The following EXOC6B variants were observed in gnomAD, a reference collection of about 807,000 sequenced individuals.
EXOC6B encodes SEC15 homolog B.
EXOC6B carries 54 observed loss-of-function variants against 113.5 expected under a neutral mutation model. The observed-to-expected ratio is 0.48, with a 90% CI of 0.38 to 0.60. The LOEUF (loss-of-function observed/expected upper bound fraction) is 0.60. EXOC6B is among the 20% of genes least tolerant of loss of function. The probability of loss-of-function intolerance (pLI) is 0.00; values close to 1 mark genes in which losing one functional copy is unlikely to be tolerated. For synonymous variants in EXOC6B, 357 were observed against 339.0 expected, an observed-to-expected ratio of 1.05 and a Z score of -0.58; for missense variants, 797 against 977.5, an observed-to-expected ratio of 0.82 and a Z score of 2.46.
intron 11 of EXOC6B, among the ~76,000 whole-genome samples, chr2:72,508,425 G>A (rs1221556803): frequency 6.6e-6 from 1 of 151,916 alleles, no homozygotes; most frequent in Non-Finnish European, 1.5e-5. Flanking sequence ...AATAATAAGG[G>A]GATAAATAGC....
chr2:72,600,441 C>CAAAAAAAAAAAAAAAAAAAAAAA (rs57908608), intron 6 of EXOC6B, among the ~76,000 whole-genome samples: 1 of 87,474 alleles, frequency 1.1e-5, no homozygotes. Context: ...GACCTTATCT[C>CAAAAAAAAAAAAAAAAAAAAAAA]AAAAAAAAAA....
At chr2:72,460,335 A>G (rs1047152790) in intron 18 of EXOC6B, among the ~76,000 whole-genome samples, 106 of 152,266 alleles carry the variant, frequency 7.0e-4, no homozygotes, top group African/African-American at 2.4e-3. Flanking sequence ...AGCAATGGCA[A>G]CAAAAGACAA....
intron 5 of EXOC6B, among the ~76,000 whole-genome samples, chr2:72,728,710 C>T (rs1017127091): frequency 2.6e-5 from 4 of 152,090 alleles, no homozygotes; most frequent in African/African-American, 9.7e-5. Flanking sequence ...TGATACATAT[C>T]ACTTCTGCTC....
At chr2:72,523,423 T>C (rs1701591350) in intron 8 of EXOC6B, among the ~76,000 whole-genome samples, 1 of 152,176 alleles carries the variant, frequency 6.6e-6, no homozygotes, top group East Asian at 1.9e-4. Flanking sequence ...TGAGAAATAC[T>C]ACTTCATATG....
intron 20 of EXOC6B, among the ~76,000 whole-genome samples, chr2:72,234,771 G>T (rs1158647796): frequency 6.6e-6 from 1 of 152,092 alleles, no homozygotes; most frequent in Non-Finnish European, 1.5e-5. Flanking sequence ...TTCAAAAGGA[G>T]ATACACATGC....
At chr2:72,717,947 C>T (rs1679732728) in intron 6 of EXOC6B, among the ~76,000 whole-genome samples, 156 bp downstream of exon 6, 1 of 152,094 alleles carries the variant, frequency 6.6e-6, no homozygotes, top group Admixed American at 6.5e-5. Flanking sequence ...AAAATGAAAA[C>T]ATTTTTAATC....
intron 18 of EXOC6B, among the ~76,000 whole-genome samples, chr2:72,408,084 G>A (rs1693906788): frequency 6.6e-6 from 1 of 152,086 alleles, no homozygotes. Flanking sequence ...GACAAACAGA[G>A]AGCCAAATCA....
intron 16 of EXOC6B, among the ~76,000 whole-genome samples, chr2:72,484,340 C>T (rs1246876080): frequency 1.3e-5 from 2 of 149,878 alleles, no homozygotes; most frequent in Non-Finnish European, 3.0e-5. Flanking sequence ...GGGCGGATCA[C>T]GAGGTCAGGA....
chr2:72,405,911 T>C (rs1693722068), intron 18 of EXOC6B, among the ~76,000 whole-genome samples: 3 of 151,976 alleles, frequency 2.0e-5, no homozygotes, highest in South Asian at 2.1e-4. Flanking sequence ...GACTGGCAAA[T>C]TGGATAAAGA....
chr2:72,803,312 A>G (rs1685400144), intron 1 of EXOC6B, among the ~76,000 whole-genome samples: 1 of 152,136 alleles, frequency 6.6e-6, no homozygotes, highest in African/African-American at 2.4e-5. Flanking sequence ...TGAGCAAAAA[A>G]AAAAAACAAA....
In EXOC6B at chr2:72,768,121, T is replaced by TA. The variant is rs70963144; in HGVS notation, c.114-26653dup. On this transcript the variant is annotated intron_variant, in intron 1 of 21. Transcript: ENST00000272427. ...CCTGGGGGCCAGAGTGAGACTCCGT[T>TA]AAAAAAAAAAAAAAAAAGAAAGAAA... is the stretch of plus-strand genomic sequence containing the variant. Among the ~76,000 whole-genome samples, 903 of 108,326 alleles carry TA rather than the reference T, an allele frequency of 8.3e-3. 5 individuals carry two copies. Among genetic ancestry groups the TA allele is most frequent in the African/African-American group, 0.017 (470 of 27,776 alleles). 71.1% of individuals were successfully genotyped at this position (108,326 alleles called of 152,430 possible).
intron 18 of EXOC6B, among the ~76,000 whole-genome samples, chr2:72,381,712 C>G (rs550902437): frequency 2.0e-5 from 3 of 152,080 alleles, no homozygotes; most frequent in African/African-American, 7.2e-5. Context: ...AAACTAGACT[C>G]CCAAATATCC....
intron 12 of EXOC6B, among the ~76,000 whole-genome samples, chr2:72,499,622 T>C (rs1021272244): frequency 1.3e-4 from 20 of 151,808 alleles, no homozygotes; most frequent in African/African-American, 4.1e-4. Flanking sequence ...TGGACTCCTA[T>C]GTTCAGGCAA....
chr2:72,635,703 A>C lies in EXOC6B; in HGVS notation c.670-60035T>G, dbSNP rs1672769291. ...AGAGGAAGGAATACCTCTCCAACTC[A>C]TTTTATGAAGCACTGATGTCAAAAC... On this transcript the variant is annotated intron_variant, in intron 6 of 21. Transcript: ENST00000272427. 2.0e-5 allele frequency among the ~76,000 whole-genome samples: 3 copies of C among 152,348 alleles called. No individual in the cohort carries two copies. The South Asian group carries it at 6.2e-4, about 32-fold the overall frequency.
chr2:72,741,561 A>G, intron 1 of EXOC6B, 92 bp from the exon 2 acceptor site: 4 of 1,123,188 alleles, frequency 3.6e-6, no homozygotes, highest in Non-Finnish European at 5.0e-6. Context: ...TAGGGCACAT[A>G]AGCCACAAAA....
chr2:72,723,681 T>G (rs59216875), intron 5 of EXOC6B, among the ~76,000 whole-genome samples: 32,379 of 150,654 alleles, frequency 0.21, 5,781 homozygotes, highest in African/African-American at 0.49. Context: ...GATAGAAAGA[T>G]GTTCAGATGT....
intron 6 of EXOC6B, among the ~76,000 whole-genome samples, chr2:72,612,008 C>T (rs1173965039): frequency 1.3e-5 from 2 of 152,010 alleles, no homozygotes; most frequent in East Asian, 1.9e-4. Flanking sequence ...TGGGGCCAGG[C>T]GTGGTGGCCC....
chr2:72,395,240 T>G (rs1468093243), intron 18 of EXOC6B, among the ~76,000 whole-genome samples: 2 of 152,054 alleles, frequency 1.3e-5, no homozygotes, highest in Non-Finnish European at 2.9e-5. Context: ...TAAGTGGGCT[T>G]GGAAAAAACA....
At chr2:72,614,580 A>C (rs1451635379) in intron 6 of EXOC6B, among the ~76,000 whole-genome samples, 1 of 152,164 alleles carries the variant, frequency 6.6e-6, no homozygotes, top group East Asian at 1.9e-4. Context: ...GGAACTTCCA[A>C]ATAATAACAA....
Sources: gnomAD v4.1 joint callset for allele counts (sites outside exome capture counted in the v4.1 genomes callset) on GRCh38, gnomAD v4.1.1 for gene constraint, MANE v1.5 for transcripts, NCBI Gene and HGNC (gene_info 2026-07-23, HGNC 2026-07-21) for gene names.